ESR2: variants seen among roughly 807,000 people sequenced by gnomAD.
ESR2 encodes estrogen receptor 2, also known as estrogen receptor beta.
A neutral mutation model predicts 49.6 loss-of-function variants in ESR2; 36 were observed. The observed-to-expected ratio is 0.73, with a 90% CI of 0.56 to 0.96. The LOEUF (loss-of-function observed/expected upper bound fraction) is 0.96. Among genes scored for constraint, ESR2 ranks in the 40% least tolerant of loss-of-function variants. The probability of loss-of-function intolerance (pLI) is 0.00; values close to 1 mark genes in which losing one functional copy is unlikely to be tolerated. For synonymous variants in ESR2, 320 were observed against 266.1 expected, an observed-to-expected ratio of 1.20 and a Z score of -1.97; for missense variants, 714 against 693.0, an observed-to-expected ratio of 1.03 and a Z score of -0.34.
At chr14:64,332,826 T>C (rs963089829) in intron 1 of ESR2, among the ~76,000 whole-genome samples, 2 of 149,258 alleles carry the variant, frequency 1.3e-5, no homozygotes, top group African/African-American at 4.9e-5. Context: ...GTACCGTATA[T>C]GATCAAACAT....
At chr14:64,304,895 A>C (rs921443977) in intron 1 of ESR2, among the ~76,000 whole-genome samples, 18 of 152,116 alleles carry the variant, frequency 1.2e-4, no homozygotes, top group South Asian at 1.0e-3. Flanking sequence ...AACAAACAAT[A>C]AATAAATAAA....
At chr14:64,245,941 C>G (rs2075847230) in intron 7 of ESR2, among the ~76,000 whole-genome samples, 2 of 152,232 alleles carry the variant, frequency 1.3e-5, no homozygotes, top group Non-Finnish European at 2.9e-5. Flanking sequence ...ACTCTTCAAG[C>G]AGATCCTCCC....
At chr14:64,296,470 A>T (rs986836173), upstream of ESR2, among the ~76,000 whole-genome samples, 1 of 152,154 alleles carries the variant, frequency 6.6e-6, no homozygotes, top group Non-Finnish European at 1.5e-5. Context: ...TATTACCCCC[A>T]TTTTATACTT....
downstream of ESR2, chr14:64,226,854 C>T (rs1420712468): frequency 6.6e-6 from 1 of 152,100 alleles, no homozygotes; most frequent in Non-Finnish European, 1.5e-5. Flanking sequence ...CCATGCCTGG[C>T]TAATTATTAT....
chr14:64,310,286 A>AAATAAT (rs140862502), intron 1 of ESR2, among the ~76,000 whole-genome samples: 9,884 of 142,330 alleles, frequency 0.069, 438 homozygotes, highest in Non-Finnish European at 0.091. Flanking sequence ...TCGTCTCAAA[A>AAATAAT]AATAATAATA....
chr14:64,242,094 G>A (rs2140647241), intron 7 of ESR2, among the ~76,000 whole-genome samples: 1 of 152,262 alleles, frequency 6.6e-6, no homozygotes, highest in South Asian at 2.1e-4. Context: ...GTTGGATTTT[G>A]TCAAATGCTG....
In ESR2 at chr14:64,260,687, C is replaced by CA; in HGVS notation, c.713_714insT (p.Gln238HisfsTer39). 1.9e-6 allele frequency: 3 copies of CA among 1,558,042 alleles called. No homozygotes were observed. Among genetic ancestry groups the CA allele is most frequent in the Admixed American group, 1.9e-5 (1 of 52,814 alleles). On this transcript the variant is annotated frameshift_variant, in exon 5 of 9. Coordinates refer to ENST00000341099, the MANE Select transcript of ESR2 (RefSeq NM_001437.3). LOFTEE classifies it high-confidence loss of function. ...TCTTGGCCTTGCCGGCACAGTGCAG[C>CA]TGCTCGTCGGCACTTCTCTGTCTCC...
At chr14:64,237,248 C>T (rs1347978756) in intron 7 of ESR2, among the ~76,000 whole-genome samples, 1 of 152,234 alleles carries the variant, frequency 6.6e-6, no homozygotes, top group East Asian at 1.9e-4. Flanking sequence ...GCGTGAGCCA[C>T]TGTGCCCGGC....
In ESR2 at chr14:64,249,638, T is replaced by A. The variant is rs1184516523; in HGVS notation, c.1133A>T (p.Asp378Val). The change falls in exon 7 of 9, where the codon GAC (aspartate) becomes GTC (valine). Residue 378 changes from aspartate (D) to valine (V), a missense_variant. Asp to Val is a radical substitution (Grantham distance 152, BLOSUM62 -3). Transcript: ENST00000341099. ...KCVEGILEIF[D>V]MLLATTSRFR... ...CCTTGAAGTAGTTGCCAGGAGCATG[T>A]CAAAGATTTCCAGAATTCCTTCTAC... is the stretch of plus-strand genomic sequence containing the variant. The A allele has an allele frequency of 6.2e-7, 1 of 1,613,816 alleles. No homozygotes were observed. The highest frequency in any genetic ancestry group is 8.5e-7 in the Non-Finnish European group (1 of 1,179,926).
chr14:64,319,076 TATTTTAAA>T (rs2077294965), intron 1 of ESR2, among the ~76,000 whole-genome samples: 1 of 151,112 alleles, frequency 6.6e-6, no homozygotes, highest in Admixed American at 6.6e-5. Context: ...AAATGAGGAC[TATTTTAAA>T]ACTTGGATGA....
intron 1 of ESR2, among the ~76,000 whole-genome samples, chr14:64,333,372 T>C (rs1217695850): frequency 6.6e-6 from 1 of 152,180 alleles, no homozygotes; most frequent in Non-Finnish European, 1.5e-5. Context: ...TACAATATGT[T>C]CCTCTAGATC....
Position 64,268,806 on chromosome 14 carries a change from A to G in ESR2, c.641T>C (p.Met214Thr). ...CRLRKCYEVG[M>T]VKCGSRRERC... is the part of the protein sequence containing the mutation. Reference sequence around the variant, plus strand: ...AAGCAAGCACTCACCACACTTCACCATTCCCACTTCGTAACACTTCCGAAG... The same window carrying G: ...AAGCAAGCACTCACCACACTTCACCGTTCCCACTTCGTAACACTTCCGAAG... Residue 214 changes from methionine (M) to threonine (T), a missense_variant, in exon 4 of 9, where the codon ATG (methionine) becomes ACG (threonine). Transcript: ENST00000341099. 6.2e-7 allele frequency: 1 copy of G among 1,608,986 alleles called. No homozygotes were observed.
At position 64,267,132 on chromosome 14, in the gene ESR2, G is replaced by A. The variant is rs187493783; in HGVS notation, c.652+1663C>T. On this transcript the variant is annotated intron_variant, in intron 4 of 8. Coordinates refer to ENST00000341099, the MANE Select transcript of ESR2 (RefSeq NM_001437.3). ...TTGACCTCATGATTTGCATGCCTTG[G>A]CCTCCCAAAGTGCTGGGATTACAGG... 1.2e-3 allele frequency among the ~76,000 whole-genome samples: 190 copies of A among 152,248 alleles called. 1 individual carries two copies. Among genetic ancestry groups the A allele is most frequent in the African/African-American group, 4.1e-3 (172 of 41,536 alleles).
intron 1 of ESR2, among the ~76,000 whole-genome samples, chr14:64,292,961 A>G (rs967303126): frequency 1.3e-5 from 2 of 152,222 alleles, no homozygotes; most frequent in Admixed American, 6.5e-5. Context: ...AAGTGTTAAC[A>G]AGCATCTGAT....
At chr14:64,266,357 G>A (rs1439640858) in intron 4 of ESR2, among the ~76,000 whole-genome samples, 1 of 152,208 alleles carries the variant, frequency 6.6e-6, no homozygotes, top group Non-Finnish European at 1.5e-5. Context: ...GGGCCAAAGA[G>A]GTGATTCAGT....
At chr14:64,279,367 T>C (rs1356536098) in intron 3 of ESR2, among the ~76,000 whole-genome samples, 1 of 152,102 alleles carries the variant, frequency 6.6e-6, no homozygotes, top group Admixed American at 6.5e-5. Flanking sequence ...CAGAGTTTGA[T>C]TCTTTTCATC....
chr14:64,228,220 A>T (rs2098723936), downstream of ESR2, among the ~76,000 whole-genome samples: 1 of 152,232 alleles, frequency 6.6e-6, no homozygotes, highest in East Asian at 1.9e-4. Context: ...AAATTCTCAA[A>T]GGACTCTCTA....
chr14:64,286,964 G>A (rs1454427523), intron 1 of ESR2, among the ~76,000 whole-genome samples: 1 of 151,496 alleles, frequency 6.6e-6, no homozygotes, highest in Non-Finnish European at 1.5e-5. Context: ...TGATCTGCCC[G>A]CCTTAGCCTC....
chr14:64,285,587 G>A (rs1317612259), intron 1 of ESR2, among the ~76,000 whole-genome samples: 1 of 152,094 alleles, frequency 6.6e-6, no homozygotes, highest in African/African-American at 2.4e-5. Flanking sequence ...CAGCACTTTG[G>A]GAGGCCGAGG....
Sources: allele counts gnomAD v4.1 joint callset (sites outside exome capture counted in the v4.1 genomes callset), GRCh38; gene constraint gnomAD v4.1.1; transcripts MANE v1.5; gene names NCBI Gene and HGNC (gene_info 2026-07-23, HGNC 2026-07-21).